GREB1L: variants seen among roughly 807,000 people sequenced by gnomAD.
The protein encoded by GREB1L is GREB1 like retinoic acid receptor coactivator.
Under a neutral mutation model 200.8 loss-of-function variants are expected in GREB1L, and 17 were observed. The ratio of observed to expected loss-of-function variants is 0.08; its 90% CI spans 0.06 to 0.13. The LOEUF (loss-of-function observed/expected upper bound fraction) is 0.13. Among genes scored for constraint, GREB1L ranks in the 10% least tolerant of loss-of-function variants. GREB1L has a pLI of 1.00. For missense variants in GREB1L, 1,657 were observed against 2,367.7 expected (o/e 0.70, Z 6.23); for synonymous variants, 789 against 893.0 (o/e 0.88, Z 2.08).
intron 1 of GREB1L, among the ~76,000 whole-genome samples, chr18:21,302,631 C>T (rs1240642155): frequency 6.6e-6 from 1 of 152,202 alleles, no homozygotes; most frequent in African/African-American, 2.4e-5. Flanking sequence ...GATGATGTGA[C>T]ATTTAACATG....
intron 12 of GREB1L, 32 bp from the exon 13 acceptor site, chr18:21,450,991 A>G: frequency 6.5e-7 from 1 of 1,545,788 alleles, no homozygotes; most frequent in Non-Finnish European, 8.7e-7. Context: ...TGTTCTGTTG[A>G]TGAGTCTTCT....
At chr18:21,432,710 T>TC (rs1162766327) in intron 7 of GREB1L, among the ~76,000 whole-genome samples, 12 of 139,560 alleles carry the variant, frequency 8.6e-5, no homozygotes, top group African/African-American at 3.3e-4. Context: ...TTTTTCTTTT[T>TC]TTTTTTTTTT....
chr18:21,508,506 A>G lies in GREB1L; in HGVS notation c.4650A>G (p.Lys1550=). 6.4e-7 allele frequency: 1 copy of G among 1,551,754 alleles called. No individual in the cohort carries two copies. The stretch of plus-strand genomic sequence containing the variant: ...GCCACCTTCACCTCCTGGTGGTCAA[A>G]GAGTATGAGATGCCTCTGTACCGCA... ...GISHLHLLVV[K]EYEMPLYRKY... is the part of the protein sequence containing the mutation. The change falls in exon 27 of 33, where the codon AAA becomes AAG. Residue 1550 remains lysine, a synonymous_variant. Coordinates refer to ENST00000424526, the MANE Select transcript of GREB1L (RefSeq NM_001142966.3).
chr18:21,505,495 G>A lies in GREB1L; in HGVS notation c.4156G>A (p.Val1386Ile), dbSNP rs1196486491. 2 of 1,551,702 alleles carry A rather than the reference G, an allele frequency of 1.3e-6. No individual in the cohort carries two copies. Among genetic ancestry groups the A allele is most frequent in the Admixed American group, 2.0e-5 (1 of 50,996 alleles). The stretch of plus-strand genomic sequence containing the variant: ...GAGCTTCAGTAAAATGCCTTTTGAT[G>A]TCAGTGTGCATGACCCCAAGTACAG... ...IESFSKMPFD[V>I]SVHDPKYSLM... is the part of the protein sequence containing the mutation. Residue 1386 changes from valine (V) to isoleucine (I), a missense_variant, in exon 24 of 33, where the codon GTC (valine) becomes ATC (isoleucine). By Grantham distance (29) the Val-to-Ile change is conservative. Coordinates refer to ENST00000424526, the MANE Select transcript of GREB1L (RefSeq NM_001142966.3).
rs749917643 is a variant in GREB1L, at chr18:21,496,526, G to C, written c.3219G>C (p.Val1073=). 52 of 1,551,716 alleles carry C rather than the reference G, an allele frequency of 3.4e-5. No individual in the cohort carries two copies. In the South Asian group the frequency reaches 5.4e-4, roughly 16 times the overall value. The stretch of plus-strand genomic sequence containing the variant: ...CTCGCACGGCCTTGGAGCAGGAGGT[G>C]GGTCTGGCATGCTGCTATGTCTCAA... ...YLTRTALEQE[V]GLACCYVSKE... Residue 1073 remains valine, a synonymous_variant, in exon 21 of 33, where the codon GTG becomes GTC. Transcript: ENST00000424526.
At chr18:21,347,325 C>T (rs1187223813) in intron 1 of GREB1L, among the ~76,000 whole-genome samples, 2 of 151,910 alleles carry the variant, frequency 1.3e-5, no homozygotes, top group East Asian at 3.9e-4. Context: ...ACAACTGTAA[C>T]TGTCTACCAC....
intron 14 of GREB1L, among the ~76,000 whole-genome samples, chr18:21,453,046 C>T (rs903493649): frequency 2.8e-4 from 43 of 152,112 alleles, no homozygotes; most frequent in African/African-American, 9.4e-4. Flanking sequence ...AGTGATGATC[C>T]GGATGATCTA....
chr18:21,243,268 A>G (rs2037535948), intron 1 of GREB1L, among the ~76,000 whole-genome samples: 1 of 152,060 alleles, frequency 6.6e-6, no homozygotes, highest in Non-Finnish European at 1.5e-5. Flanking sequence ...TCTCAGTTAC[A>G]TGAGTCCAAG....
chr18:21,409,929 C>T (rs528230962), intron 7 of GREB1L, among the ~76,000 whole-genome samples: 13 of 152,176 alleles, frequency 8.5e-5, no homozygotes, highest in Admixed American at 3.3e-4. Flanking sequence ...TTCTCTTATA[C>T]GCTAGAAGCT....
In GREB1L at chr18:21,518,045, C is replaced by T; in HGVS notation, c.5283C>T (p.Ser1761=). 1 of 1,551,338 alleles carries T rather than the reference C, an allele frequency of 6.4e-7. No individual in the cohort carries two copies. Among genetic ancestry groups the T allele is most frequent in the Non-Finnish European group, 8.7e-7 (1 of 1,146,700 alleles). ...IIKPKIMVSE[S]LAPILPLQYI... is the part of the protein sequence containing the mutation. ...GCCTCTGATTTCAGGTGTCAGAGAG[C>T]TTAGCACCCATCTTGCCCCTTCAAT... Residue 1761 remains serine, a synonymous_variant, in exon 31 of 33, where the codon AGC becomes AGT. Coordinates refer to ENST00000424526, the MANE Select transcript of GREB1L (RefSeq NM_001142966.3).
intron 11 of GREB1L, 88 bp from the exon 12 acceptor site, chr18:21,449,422 T>C: frequency 2.6e-6 from 2 of 760,280 alleles, no homozygotes; most frequent in Non-Finnish European, 4.1e-6. Context: ...TATGATGGGC[T>C]GAGAAGGACT....
intron 1 of GREB1L, among the ~76,000 whole-genome samples, chr18:21,258,856 A>G (rs945054013): frequency 1.3e-5 from 2 of 152,224 alleles, no homozygotes; most frequent in African/African-American, 2.4e-5. Flanking sequence ...GCCAACAAAT[A>G]TCCTAGTTAA....
Position 21,284,206 on chromosome 18 carries a change from C to T in GREB1L, c.-120+41813C>T, listed in dbSNP as rs767440445. Among the ~76,000 whole-genome samples, 64 of 152,096 alleles carry T rather than the reference C, an allele frequency of 4.2e-4. 1 individual carries two copies. Among genetic ancestry groups the T allele is most frequent in the Admixed American group, 1.4e-3 (22 of 15,266 alleles). ...GAGCTATAATTCACATAAAACTCAC[C>T]CACTTAAAATGTACAATGCAGTGGT... On this transcript the variant is annotated intron_variant, in intron 1 of 32. Coordinates refer to ENST00000424526, the MANE Select transcript of GREB1L (RefSeq NM_001142966.3).
At position 21,495,614 on chromosome 18, in the gene GREB1L, AAAG is replaced by A; in HGVS notation, c.3031-55_3031-53del. ...AAATCTGGACTCAGAAGCCTGTAAA[AAAG>A]GTGGAAACTTAAATGAGAGTTTTAA... On this transcript the variant is annotated intron_variant, in intron 19 of 32. Coordinates refer to ENST00000424526, the MANE Select transcript of GREB1L (RefSeq NM_001142966.3). The A allele has an allele frequency of 3.2e-6, 3 of 945,900 alleles. No homozygotes were observed. In the Admixed American group the frequency reaches 7.2e-5, roughly 23 times the overall value. 58.6% of individuals were successfully genotyped at this position (945,900 alleles called of 1,614,324 possible).
intron 1 of GREB1L, among the ~76,000 whole-genome samples, chr18:21,263,710 T>A (rs1411864474): frequency 2.6e-5 from 4 of 152,242 alleles, no homozygotes; most frequent in African/African-American, 9.6e-5. Flanking sequence ...CTTTAAATGC[T>A]ACCTACTCAC....
chr18:21,505,397 TC>T lies in GREB1L; in HGVS notation c.4073-13del. On this transcript the variant is annotated splice_polypyrimidine_tract_variant and intron_variant, in intron 23 of 32. Coordinates refer to ENST00000424526, the MANE Select transcript of GREB1L (RefSeq NM_001142966.3). ...AGGCCAGTCACCTGCTCTGCACACT[TC>T]CTTCTTGTCCTAGATCACAATGAAA... 6.5e-7 allele frequency: 1 copy of T among 1,548,732 alleles called. No individual in the cohort carries two copies. The highest frequency in any genetic ancestry group is 8.7e-7 in the Non-Finnish European group (1 of 1,146,714).
At chr18:21,430,740 G>A (rs1398563195) in intron 7 of GREB1L, among the ~76,000 whole-genome samples, 1 of 151,180 alleles carries the variant, frequency 6.6e-6, no homozygotes, top group African/African-American at 2.4e-5. Flanking sequence ...GGGATTACAG[G>A]CATGCGCCAC....
intron 16 of GREB1L, among the ~76,000 whole-genome samples, chr18:21,476,177 A>G (rs779827345): frequency 6.6e-6 from 1 of 152,044 alleles, no homozygotes; most frequent in Non-Finnish European, 1.5e-5. Context: ...AATTTCAGAC[A>G]TCATCAAGCA....
At chr18:21,412,572 T>C (rs1337547731) in intron 7 of GREB1L, among the ~76,000 whole-genome samples, 1 of 152,204 alleles carries the variant, frequency 6.6e-6, no homozygotes, top group Non-Finnish European at 1.5e-5. Flanking sequence ...TCATTTCTAT[T>C]ACATTAAAGA....
Sources: gnomAD v4.1 joint callset for allele counts (sites outside exome capture counted in the v4.1 genomes callset) on GRCh38, gnomAD v4.1.1 for gene constraint, MANE v1.5 for transcripts, NCBI Gene and HGNC (gene_info 2026-07-23, HGNC 2026-07-21) for gene names.